The following RNF220 variants were observed in gnomAD, a reference collection of about 807,000 sequenced individuals.
The protein encoded by RNF220 is E3 ubiquitin-protein ligase RNF220.
A neutral mutation model predicts 67.1 loss-of-function variants in RNF220; 7 were observed. The observed-to-expected ratio is 0.10, with a 90% CI of 0.06 to 0.20. RNF220 has a LOEUF of 0.20. Among genes scored for constraint, RNF220 ranks in the 10% least tolerant of loss-of-function variants. The pLI, the probability that RNF220 is intolerant of heterozygous loss-of-function variation, is 1.00. For missense variants in RNF220, 565 were observed against 740.3 expected, an observed-to-expected ratio of 0.76 and a Z score of 2.75; for synonymous variants, 270 against 283.2, an observed-to-expected ratio of 0.95 and a Z score of 0.47.
In RNF220 at chr1:44,650,404, C is replaced by CCTGATCAAAGGCCGCGTGTAGAA. The variant is rs1644760220; in HGVS notation, c.1630-280_1630-279insGAACTGATCAAAGGCCGCGTGTA. The CCTGATCAAAGGCCGCGTGTAGAA allele has an allele frequency of 1.9e-6, 1 of 513,356 alleles. No individual in the cohort carries two copies. The highest frequency in any genetic ancestry group is 1.9e-5 in the African/African-American group (1 of 52,226). 31.8% of individuals were successfully genotyped at this position (513,356 alleles called of 1,614,324 possible). ...AAAGGCTCGGACGTGGGCTCTGTGT[C>CCTGATCAAAGGCCGCGTGTAGAA]CTGATCAAAGGCCGCGTGTAATCTC... On this transcript the variant is annotated intron_variant, in intron 14 of 14. Transcript: ENST00000361799. This position sits in a 1 kb window ranked among gnomAD's most constrained non-coding sequence, Gnocchi z 4.3.
intron 3 of RNF220, among the ~76,000 whole-genome samples, chr1:44,618,133 C>T (rs1643638956): frequency 6.6e-6 from 1 of 152,222 alleles, no homozygotes; most frequent in Admixed American, 6.5e-5. Context: ...CCTCCTGCCT[C>T]CCTTTGCCCA....
intron 2 of RNF220, among the ~76,000 whole-genome samples, chr1:44,495,929 A>G (rs1159687687): frequency 1.3e-5 from 2 of 152,124 alleles, no homozygotes; most frequent in Non-Finnish European, 2.9e-5. Flanking sequence ...GGATGAATGA[A>G]TGAGTGAATG....
At chr1:44,644,943 C>T in intron 9 of RNF220, 52 bp from the exon 10 acceptor site, 2 of 1,592,096 alleles carry the variant, frequency 1.3e-6, no homozygotes, top group Non-Finnish European at 1.7e-6. Flanking sequence ...GAGGATTCAA[C>T]CCTCATAGCC....
At chr1:44,473,592 G>A (rs1344573536) in intron 2 of RNF220, among the ~76,000 whole-genome samples, 2 of 152,076 alleles carry the variant, frequency 1.3e-5, no homozygotes. Flanking sequence ...TTCTTGGGGA[G>A]TCTATGTGTT....
At chr1:44,409,333 T>C (rs1296574796) in intron 1 of RNF220, among the ~76,000 whole-genome samples, 3 of 152,258 alleles carry the variant, frequency 2.0e-5, no homozygotes, top group African/African-American at 7.2e-5. Context: ...CGTGGATTGA[T>C]CCCTCCTCCT....
chr1:44,432,323 T>G (rs1171452405), intron 2 of RNF220, among the ~76,000 whole-genome samples: 4 of 152,072 alleles, frequency 2.6e-5, no homozygotes, highest in Non-Finnish European at 5.9e-5. Context: ...CAGGCTGGAG[T>G]GCAATGGCGC....
intron 2 of RNF220, among the ~76,000 whole-genome samples, chr1:44,601,910 T>C (rs1326567704): frequency 2.6e-5 from 4 of 151,998 alleles, no homozygotes; most frequent in Admixed American, 6.6e-5. Context: ...AGGAGAATAG[T>C]TGGGTTGTGG....
At chr1:44,414,375 C>T (rs748322478) in intron 2 of RNF220, among the ~76,000 whole-genome samples, 3 of 152,140 alleles carry the variant, frequency 2.0e-5, no homozygotes, top group African/African-American at 7.2e-5. Flanking sequence ...ATGAAATCTT[C>T]TCTTAGCTAA....
At position 44,608,355 on chromosome 1, in the gene RNF220, C is replaced by T. The variant is rs574811119; in HGVS notation, c.626-5810C>T. 2.3e-3 allele frequency among the ~76,000 whole-genome samples: 349 copies of T among 152,286 alleles called. 16 individuals are homozygous for T. The South Asian group carries it at 0.066, about 29-fold the overall frequency. On this transcript the variant is annotated intron_variant, in intron 2 of 14. Transcript: ENST00000361799. ...TTATTGTCTGGCATCTGTGCTATAG[C>T]GACCCCTAATGGGCATCCAGTAAAC...
intron 2 of RNF220, among the ~76,000 whole-genome samples, chr1:44,524,268 T>C (rs1660180378): frequency 6.6e-6 from 1 of 152,128 alleles, no homozygotes; most frequent in Non-Finnish European, 1.5e-5. Flanking sequence ...CCGCCTCTGC[T>C]GGCCAGATAA....
intron 2 of RNF220, among the ~76,000 whole-genome samples, chr1:44,572,048 G>T (rs1230550648): frequency 6.6e-6 from 1 of 152,200 alleles, no homozygotes; most frequent in Non-Finnish European, 1.5e-5. Context: ...CCTCCAGCTG[G>T]TCTCCCTGCC....
intron 2 of RNF220, chr1:44,419,236 T>G (rs1031965575): frequency 1.3e-5 from 2 of 152,254 alleles, no homozygotes; most frequent in African/African-American, 4.8e-5. Flanking sequence ...ACAGAATGTG[T>G]TGTTATCCTT....
At chr1:44,419,212 G>A (rs1392943733) in intron 2 of RNF220, 1 of 152,142 alleles carries the variant, frequency 6.6e-6, no homozygotes, top group Non-Finnish European at 1.5e-5. Context: ...TTAAATTGTG[G>A]CATGTATGGT....
intron 2 of RNF220, among the ~76,000 whole-genome samples, chr1:44,590,065 G>A (rs543001868): frequency 1.5e-3 from 229 of 152,328 alleles, no homozygotes; most frequent in African/African-American, 5.4e-3. Context: ...CAGTGGGGCT[G>A]ATGTGTGTGG....
chr1:44,628,080 G>A (rs1020398940), intron 5 of RNF220, among the ~76,000 whole-genome samples: 2 of 152,244 alleles, frequency 1.3e-5, no homozygotes, highest in Admixed American at 6.5e-5. Context: ...AGACAACCCT[G>A]GTTCAAGGCA....
rs564431416 is a variant in RNF220, at chr1:44,414,462, A to G, written c.625+1740A>G. 1.2e-4 allele frequency among the ~76,000 whole-genome samples: 18 copies of G among 152,258 alleles called. No individual in the cohort carries two copies. The East Asian group carries it at 1.9e-3, about 16-fold the overall frequency. On this transcript the variant is annotated intron_variant, in intron 2 of 14. Transcript: ENST00000361799. ...AGATCCAGCTTGTCTCCATTTTTCTATCTTTTTAGCCCAAACCTGTATCCG... is the reference window on the plus strand; with the variant it reads ...AGATCCAGCTTGTCTCCATTTTTCTGTCTTTTTAGCCCAAACCTGTATCCG...
At chr1:44,445,006 G>A (rs976757097) in intron 2 of RNF220, among the ~76,000 whole-genome samples, 6 of 152,084 alleles carry the variant, frequency 3.9e-5, no homozygotes, top group African/African-American at 1.2e-4. Flanking sequence ...AATTTTTGTT[G>A]TTTCATGTTC....
chr1:44,441,472 A>C (rs2147898080), intron 2 of RNF220, among the ~76,000 whole-genome samples: 1 of 152,332 alleles, frequency 6.6e-6, no homozygotes, highest in East Asian at 1.9e-4. Context: ...ACAGAACAGG[A>C]ATAATAAAGG....
chr1:44,453,647 A>G (rs1652899258), intron 2 of RNF220, among the ~76,000 whole-genome samples: 1 of 151,908 alleles, frequency 6.6e-6, no homozygotes, highest in African/African-American at 2.4e-5. Flanking sequence ...GCATTACTAG[A>G]TAAATTTTAT....
Sources: allele counts gnomAD v4.1 joint callset (sites outside exome capture counted in the v4.1 genomes callset), GRCh38; gene constraint gnomAD v4.1.1; non-coding constraint Gnocchi (gnomAD v3.1); transcripts MANE v1.5; gene names NCBI Gene and HGNC (gene_info 2026-07-23, HGNC 2026-07-21).